The following C12orf42 variants were observed in gnomAD, a reference collection of about 807,000 sequenced individuals.
C12orf42 encodes uncharacterized protein C12orf42.
Under a neutral mutation model 21.6 loss-of-function variants are expected in C12orf42, and 25 were observed. The ratio of observed to expected loss-of-function variants is 1.16; its 90% confidence interval spans 0.84 to 1.62. C12orf42 has a LOEUF of 1.62. Among genes scored for constraint, C12orf42 ranks in the 40% most tolerant of loss-of-function variants. C12orf42 has a pLI of 0.00. For synonymous variants in C12orf42, 174 were observed against 175.0 expected, an observed-to-expected ratio of 0.99 and a Z score of 0.05; for missense variants, 483 against 459.3, an observed-to-expected ratio of 1.05 and a Z score of -0.47.
chr12:103,311,578 T>C (rs2038976751), intron 4 of C12orf42, among the ~76,000 whole-genome samples: 2 of 152,170 alleles, frequency 1.3e-5, no homozygotes, highest in East Asian at 1.9e-4. Flanking sequence ...AGGAAAGTCC[T>C]TTTGCAATCT....
the C12orf42 span, among the ~76,000 whole-genome samples, chr12:103,142,112 G>GA: frequency 6.6e-6 from 1 of 152,140 alleles, no homozygotes; most frequent in Non-Finnish European, 1.5e-5. Flanking sequence ...GTAACTCAAT[G>GA]AAAGAAGCTG....
chr12:103,053,075 G>A, the C12orf42 span, among the ~76,000 whole-genome samples: 6 of 152,012 alleles, frequency 3.9e-5, no homozygotes, highest in African/African-American at 1.4e-4. Flanking sequence ...TGAAGTTTAG[G>A]TTCCCTCACT....
At chr12:103,419,252 T>C (rs1345945929) in intron 2 of C12orf42, among the ~76,000 whole-genome samples, 1 of 152,070 alleles carries the variant, frequency 6.6e-6, no homozygotes, top group East Asian at 1.9e-4. Context: ...TTAAAAAAAT[T>C]GTAAAGGAGT....
the C12orf42 span, among the ~76,000 whole-genome samples, chr12:103,173,103 G>A: frequency 3.9e-5 from 6 of 152,078 alleles, no homozygotes; most frequent in Admixed American, 3.9e-4. Context: ...CCAAATCTCA[G>A]GTACCAAAGA....
At chr12:103,517,919 G>A in the C12orf42 span, among the ~76,000 whole-genome samples, 1 of 152,072 alleles carries the variant, frequency 6.6e-6, no homozygotes, top group Non-Finnish European at 1.5e-5. Flanking sequence ...CTAAAGGAGT[G>A]TGTAAATTGC....
At chr12:103,114,792 T>G in the C12orf42 span, among the ~76,000 whole-genome samples, 1 of 152,214 alleles carries the variant, frequency 6.6e-6, no homozygotes, top group African/African-American at 2.4e-5. Flanking sequence ...TGTCCTTGAC[T>G]TTTTCTGTTT....
the C12orf42 span, among the ~76,000 whole-genome samples, chr12:103,065,144 A>G: frequency 6.6e-6 from 1 of 152,226 alleles, no homozygotes; most frequent in Non-Finnish European, 1.5e-5. Flanking sequence ...TAGTGACACC[A>G]TCAAGGATTT....
intron 3 of C12orf42, among the ~76,000 whole-genome samples, chr12:103,375,338 C>A (rs1179408041): frequency 6.6e-6 from 1 of 152,104 alleles, no homozygotes; most frequent in African/African-American, 2.4e-5. Context: ...ATTTACATTT[C>A]AGAATAATTT....
At chr12:103,235,572 T>G (rs1385398606), downstream of C12orf42, among the ~76,000 whole-genome samples, 1 of 152,198 alleles carries the variant, frequency 6.6e-6, no homozygotes, top group Admixed American at 6.5e-5. Flanking sequence ...AAAATCCATC[T>G]GTATAACTTC....
At chr12:103,553,150 G>T in the C12orf42 span, among the ~76,000 whole-genome samples, 1 of 152,102 alleles carries the variant, frequency 6.6e-6, no homozygotes, top group Non-Finnish European at 1.5e-5. Flanking sequence ...TTAAACATTT[G>T]TAGCCTCCAT....
At chr12:103,279,248 C>A (rs2035957648) in intron 4 of C12orf42, among the ~76,000 whole-genome samples, 1 of 152,118 alleles carries the variant, frequency 6.6e-6, no homozygotes. Context: ...CCACCACACA[C>A]CAAATGGGCA....
At chr12:103,345,073 C>G (rs1441099069) in intron 4 of C12orf42, among the ~76,000 whole-genome samples, 1 of 152,210 alleles carries the variant, frequency 6.6e-6, no homozygotes, top group Non-Finnish European at 1.5e-5. Context: ...ACTGTGACCT[C>G]AGTCACCTGA....
Position 103,436,756 on chromosome 12 carries a change from T to C in C12orf42, c.79-35081A>G, listed in dbSNP as rs113486296. On this transcript the variant is annotated intron_variant, in intron 2 of 5. Coordinates refer to ENST00000548883, the MANE Select transcript of C12orf42 (RefSeq NM_198521.5). ...GGAGCACCCAGATTCATAAAGCAAG[T>C]CCTACAAAGTGACCTACAAAGAGAC... 2.0e-3 allele frequency among the ~76,000 whole-genome samples: 299 copies of C among 152,258 alleles called. 2 individuals carry two copies. The highest frequency in any genetic ancestry group is 3.7e-3 in the Non-Finnish European group (251 of 68,032).
the C12orf42 span, among the ~76,000 whole-genome samples, chr12:103,186,563 CTCA>C: frequency 2.0e-5 from 3 of 152,236 alleles, no homozygotes; most frequent in South Asian, 2.1e-4. Flanking sequence ...ACTTTATTAT[CTCA>C]TCATAAGGAC....
chr12:103,077,594 AG>A, the C12orf42 span, among the ~76,000 whole-genome samples: 2 of 152,206 alleles, frequency 1.3e-5, no homozygotes, highest in Non-Finnish European at 2.9e-5. Flanking sequence ...GCAGTGATAA[AG>A]GTGAAGAGAA....
chr12:103,165,739 T>C, the C12orf42 span, among the ~76,000 whole-genome samples: 72 of 152,174 alleles, frequency 4.7e-4, no homozygotes, highest in African/African-American at 1.7e-3. Context: ...GACATCACAG[T>C]GCGCATAAAG....
chr12:103,419,436 G>A (rs1188833057), intron 2 of C12orf42, among the ~76,000 whole-genome samples: 2 of 152,088 alleles, frequency 1.3e-5, no homozygotes, highest in Admixed American at 6.5e-5. Context: ...CAGACTAGAG[G>A]AGAATCAGGA....
the C12orf42 span, among the ~76,000 whole-genome samples, chr12:103,118,772 TAAAAAAAA>T: frequency 9.6e-5 from 4 of 41,658 alleles, no homozygotes; most frequent in African/African-American, 1.8e-4. Flanking sequence ...CACTCCAGCC[TAAAAAAAA>T]AAAAAAAAAA....
chr12:103,506,927 T>TATATAA, the C12orf42 span, among the ~76,000 whole-genome samples: 3 of 3,008 alleles, frequency 1.0e-3, no homozygotes, highest in African/African-American at 4.3e-3. Flanking sequence ...TTATATATTA[T>TATATAA]ATATATATTA....
Sources: gnomAD v4.1 joint callset for allele counts (sites outside exome capture counted in the v4.1 genomes callset) on GRCh38, gnomAD v4.1.1 for gene constraint, MANE v1.5 for transcripts, NCBI Gene and HGNC (gene_info 2026-07-23, HGNC 2026-07-21) for gene names.